Variants in CCSER1 observed in about 807,000 individuals in gnomAD.
CCSER1 encodes the protein serine-rich coiled-coil domain-containing protein 1.
CCSER1 carries 41 observed loss-of-function variants against 82.0 expected under a neutral mutation model. The observed-to-expected ratio is 0.50, with a 90% CI of 0.39 to 0.65. The LOEUF is 0.65. Ranked by LOEUF, CCSER1 falls within the 30% of genes least tolerant of loss-of-function variation. CCSER1 has a pLI of 0.00. For synonymous variants in CCSER1, 414 were observed against 383.9 expected (o/e 1.08, Z -0.92); for missense variants, 1,119 against 1,064.2 (o/e 1.05, Z -0.72).
At chr4:91,212,909 G>T (rs1736939036) in intron 10 of CCSER1, among the ~76,000 whole-genome samples, 1 of 151,888 alleles carries the variant, frequency 6.6e-6, no homozygotes, top group African/African-American at 2.4e-5. Context: ...TACTCTTATA[G>T]CCCCCAGTGT....
intron 10 of CCSER1, among the ~76,000 whole-genome samples, chr4:91,484,468 T>C (rs1365748231): frequency 6.6e-6 from 1 of 152,144 alleles, no homozygotes; most frequent in Non-Finnish European, 1.5e-5. Flanking sequence ...AATCAATGAA[T>C]CCATTCTGGC....
intron 7 of CCSER1, among the ~76,000 whole-genome samples, chr4:90,757,003 T>C (rs1227872660): frequency 6.6e-6 from 1 of 152,190 alleles, no homozygotes; most frequent in African/African-American, 2.4e-5. Flanking sequence ...ATTAGAACTT[T>C]AATTAATTTG....
chr4:91,168,959 C>T (rs576879679), intron 10 of CCSER1, among the ~76,000 whole-genome samples: 26 of 152,110 alleles, frequency 1.7e-4, no homozygotes, highest in East Asian at 1.4e-3. Context: ...GGATTAAGGG[C>T]GGTGCAAGAT....
chr4:91,577,478 G>T (rs1424525953), intron 10 of CCSER1, among the ~76,000 whole-genome samples: 2 of 151,882 alleles, frequency 1.3e-5, no homozygotes, highest in Admixed American at 6.6e-5. Context: ...AAAATACCTT[G>T]CAATTCACAA....
At chr4:90,727,502 C>G (rs989295023) in intron 7 of CCSER1, among the ~76,000 whole-genome samples, 20 of 152,174 alleles carry the variant, frequency 1.3e-4, no homozygotes, top group African/African-American at 4.8e-4. Flanking sequence ...CTCTGGCATT[C>G]TCCCTGATTT....
At chr4:90,397,922 C>G (rs532954330) in intron 3 of CCSER1, among the ~76,000 whole-genome samples, 48 of 152,322 alleles carry the variant, frequency 3.2e-4, no homozygotes, top group African/African-American at 1.1e-3. Context: ...CTGTCCTTCA[C>G]TGCTTTCTAA....
intron 8 of CCSER1, among the ~76,000 whole-genome samples, chr4:90,857,099 A>G (rs1217787409): frequency 6.6e-6 from 1 of 152,042 alleles, no homozygotes; most frequent in Non-Finnish European, 1.5e-5. Flanking sequence ...AGTTATCTCT[A>G]TCTTTGTGAT....
intron 10 of CCSER1, among the ~76,000 whole-genome samples, chr4:91,104,125 C>T (rs1725363757): frequency 6.6e-6 from 1 of 152,134 alleles, no homozygotes; most frequent in Non-Finnish European, 1.5e-5. Context: ...ATTTTGTGGT[C>T]AGATCGGTTC....
chr4:90,731,519 A>G (rs1279503790), intron 7 of CCSER1, among the ~76,000 whole-genome samples: 1 of 152,206 alleles, frequency 6.6e-6, no homozygotes, highest in Non-Finnish European at 1.5e-5. Flanking sequence ...GTTTAGAAAT[A>G]TGATTCATTA....
intron 8 of CCSER1, among the ~76,000 whole-genome samples, chr4:90,872,428 A>T (rs957894351): frequency 6.6e-6 from 1 of 151,954 alleles, no homozygotes; most frequent in Non-Finnish European, 1.5e-5. Context: ...AATTACTTTA[A>T]ACTGTTCAAA....
chr4:90,176,610 A>G (rs908276872), intron 1 of CCSER1, among the ~76,000 whole-genome samples: 7 of 151,844 alleles, frequency 4.6e-5, no homozygotes, highest in East Asian at 1.9e-4. Context: ...TTTTTTTCCC[A>G]TAAGAGTTGT....
chr4:90,478,743 T>A (rs533175136), intron 5 of CCSER1, among the ~76,000 whole-genome samples: 24 of 150,780 alleles, frequency 1.6e-4, no homozygotes, highest in African/African-American at 3.9e-4. Context: ...TTTTTTTTTT[T>A]TTTTTTATTT....
chr4:91,348,528 G>A (rs1011697650), intron 10 of CCSER1, among the ~76,000 whole-genome samples: 3 of 152,104 alleles, frequency 2.0e-5, no homozygotes, highest in African/African-American at 7.2e-5. Flanking sequence ...CCATTTTTTG[G>A]AGGAAACTAG....
intron 10 of CCSER1, among the ~76,000 whole-genome samples, chr4:91,212,235 T>C (rs1736874499): frequency 6.6e-6 from 1 of 151,976 alleles, no homozygotes; most frequent in African/African-American, 2.4e-5. Context: ...CTATTTAGTA[T>C]GCCTAATCAT....
At position 90,830,519 on chromosome 4, in the gene CCSER1, A is replaced by C. The variant is rs374650938; in HGVS notation, c.2094+14674A>C. 5.9e-5 allele frequency among the ~76,000 whole-genome samples: 9 copies of C among 152,278 alleles called. No individual in the cohort carries two copies. The East Asian group carries it at 1.7e-3, about 29-fold the overall frequency. ...GGAACAAAGCAAATAGAGACCAGTC[A>C]ATTTGATGGTTATGGGGATTTCTGA... On this transcript the variant is annotated intron_variant, in intron 8 of 10. Coordinates refer to ENST00000509176, the MANE Select transcript of CCSER1 (RefSeq NM_001145065.2).
chr4:90,384,195 G>T lies in CCSER1; in HGVS notation c.1510-15841G>T, dbSNP rs529481392. Reference sequence around the variant, plus strand: ...TAGGGTACGTGTGCACAATGTGCAGGTTTGTTACATATGTATATATGTGCC... The same window carrying T: ...TAGGGTACGTGTGCACAATGTGCAGTTTTGTTACATATGTATATATGTGCC... On this transcript the variant is annotated intron_variant, in intron 3 of 10. Transcript: ENST00000509176. Among the ~76,000 whole-genome samples the T allele has an allele frequency of 4.0e-5, 6 of 151,618 alleles. No homozygotes were observed. In the South Asian group the frequency reaches 1.3e-3, roughly 32 times the overall value.
chr4:91,384,398 A>G (rs2149342355), intron 10 of CCSER1, among the ~76,000 whole-genome samples: 1 of 110,570 alleles, frequency 9.0e-6, no homozygotes, highest in South Asian at 3.6e-4. Context: ...TTTTATTATT[A>G]TTTATGAGAT....
chr4:90,437,903 TC>T (rs1249279200), intron 4 of CCSER1, among the ~76,000 whole-genome samples: 1 of 152,182 alleles, frequency 6.6e-6, no homozygotes, highest in East Asian at 1.9e-4. Context: ...CTAATTATGA[TC>T]TGAGTTTTTA....
At chr4:90,648,284 G>A (rs201608521) in intron 6 of CCSER1, among the ~76,000 whole-genome samples, 4 of 89,950 alleles carry the variant, frequency 4.4e-5, no homozygotes, top group Admixed American at 2.6e-4. Context: ...GAGAAAGAAA[G>A]GAAAGAAAGA....
Sources: allele counts gnomAD v4.1 joint callset (sites outside exome capture counted in the v4.1 genomes callset), GRCh38; gene constraint gnomAD v4.1.1; transcripts MANE v1.5; gene names NCBI Gene and HGNC (gene_info 2026-07-23, HGNC 2026-07-21).